Variants in ETS1 observed in about 807,000 individuals in gnomAD.
ETS1 encodes protein C-ets-1.
In ETS1, 15 loss-of-function variants were observed where a neutral mutation model predicts 58.6. That is an observed-to-expected ratio of 0.26 (90% CI 0.17 to 0.39). The LOEUF is 0.39. ETS1 is among the 10% of genes least tolerant of loss of function. The pLI, the probability that ETS1 is intolerant of heterozygous loss-of-function variation, is 1.00. For missense variants in ETS1, 417 were observed against 610.5 expected, an observed-to-expected ratio of 0.68 and a Z score of 3.34; for synonymous variants, 214 against 218.2, an observed-to-expected ratio of 0.98 and a Z score of 0.17.
At position 128,490,399 on chromosome 11, in the gene ETS1, A is replaced by G. The variant is rs1285435626; in HGVS notation, c.334+58T>C. 2.3e-5 allele frequency: 36 copies of G among 1,595,190 alleles called. No individual in the cohort carries two copies. The South Asian group carries it at 3.2e-4, about 14-fold the overall frequency. ...TGCCTCACACACTCCAGGTGAGAAA[A>G]TGTGTCTTCCCAAAGGGTCTGACCC... On this transcript the variant is annotated intron_variant, in intron 4 of 9. Transcript: ENST00000392668.
chr11:128,514,176 G>C (rs559380126), intron 3 of ETS1, among the ~76,000 whole-genome samples: 1 of 152,092 alleles, frequency 6.6e-6, no homozygotes, highest in South Asian at 2.1e-4. Flanking sequence ...CATCTTCTCT[G>C]AGGTTTAACG....
intron 1 of ETS1, among the ~76,000 whole-genome samples, chr11:128,584,970 GAAA>G (rs1864947767): frequency 4.1e-5 from 1 of 24,104 alleles, no homozygotes; most frequent in South Asian, 8.2e-4. Context: ...AAGAAAGAAA[GAAA>G]GAAAGAAAGA....
At chr11:128,524,067 G>C (rs1322951829) in intron 3 of ETS1, among the ~76,000 whole-genome samples, 11 of 152,308 alleles carry the variant, frequency 7.2e-5, no homozygotes, top group Non-Finnish European at 1.3e-4. Context: ...CCAAGTGTGA[G>C]TACTTCTCTA....
chr11:128,542,587 C>T (rs969403190), intron 3 of ETS1, among the ~76,000 whole-genome samples: 4 of 151,850 alleles, frequency 2.6e-5, no homozygotes, highest in African/African-American at 4.8e-5. Context: ...CAAAACAAAA[C>T]GGGAGAGGGA....
At position 128,549,236 on chromosome 11, in the gene ETS1, G is replaced by A. The variant is rs1292148073; in HGVS notation, c.214+7055C>T. Reference sequence around the variant, plus strand: ...ACAGGCTGTCCCTGCGGCGCAGCCCGCCCCCACCCTCCACTCTCACGCGCC... The same window carrying A: ...ACAGGCTGTCCCTGCGGCGCAGCCCACCCCCACCCTCCACTCTCACGCGCC... On this transcript the variant is annotated intron_variant, in intron 3 of 9. Transcript: ENST00000392668. This position sits in a 1 kb window ranked among gnomAD's most constrained non-coding sequence, Gnocchi z 4.3. Among the ~76,000 whole-genome samples, 1 of 151,294 alleles carries A rather than the reference G, an allele frequency of 6.6e-6. No individual in the cohort carries two copies. Among genetic ancestry groups the A allele is most frequent in the East Asian group, 1.9e-4 (1 of 5,140 alleles).
intron 3 of ETS1, among the ~76,000 whole-genome samples, chr11:128,521,460 G>C (rs76715588): frequency 1.3e-5 from 2 of 152,260 alleles, no homozygotes; most frequent in East Asian, 3.9e-4. Flanking sequence ...TTGAAAATCT[G>C]CCTGAAGGCC....
intron 3 of ETS1, among the ~76,000 whole-genome samples, chr11:128,500,615 C>A (rs950557033): frequency 1.3e-5 from 2 of 152,070 alleles, no homozygotes; most frequent in African/African-American, 4.8e-5. Flanking sequence ...TAAATCTGGA[C>A]TGAGAAGGAA....
chr11:128,554,555 G>GA (rs1864283689), intron 3 of ETS1, among the ~76,000 whole-genome samples: 1 of 152,090 alleles, frequency 6.6e-6, no homozygotes, highest in Non-Finnish European at 1.5e-5. Flanking sequence ...AGAGCAGCAT[G>GA]AAAAATCATC....
At chr11:128,560,690 C>A (rs1864391505) in intron 2 of ETS1, among the ~76,000 whole-genome samples, 1 of 152,332 alleles carries the variant, frequency 6.6e-6, no homozygotes, top group Non-Finnish European at 1.5e-5. Context: ...TGGCAATGTG[C>A]ATTCATGGAC....
intron 2 of ETS1, among the ~76,000 whole-genome samples, chr11:128,559,799 T>A (rs949384656): frequency 2.6e-5 from 4 of 152,150 alleles, no homozygotes; most frequent in Non-Finnish European, 5.9e-5. Flanking sequence ...ACTGCCTCAG[T>A]TGAGGAGAAA....
intron 3 of ETS1, chr11:128,522,428 TG>T: frequency 1.2e-6 from 1 of 854,832 alleles, no homozygotes; most frequent in Non-Finnish European, 1.4e-6. Flanking sequence ...GATGTCCGCT[TG>T]GGGGAGCGAG....
At chr11:128,498,711 C>T (rs1277512602) in intron 3 of ETS1, among the ~76,000 whole-genome samples, 3 of 152,156 alleles carry the variant, frequency 2.0e-5, no homozygotes, top group African/African-American at 4.8e-5. Context: ...TCTAAATTAA[C>T]GACACTCAAG....
At chr11:128,528,292 T>C (rs1431579659) in intron 3 of ETS1, among the ~76,000 whole-genome samples, 2 of 152,094 alleles carry the variant, frequency 1.3e-5, no homozygotes, top group Non-Finnish European at 2.9e-5. Context: ...CTGGAAGAGA[T>C]GCAAAGGATC....
chr11:128,565,047 A>AATAAATAAATAAATAC (rs1864468258), intron 2 of ETS1, among the ~76,000 whole-genome samples: 1 of 150,572 alleles, frequency 6.6e-6, no homozygotes, highest in Non-Finnish European at 1.5e-5. Context: ...TAAATAAATA[A>AATAAATAAATAAATAC]ATAAATAAAT....
rs1861848750 is a variant in ETS1 at position 128,459,457 on chromosome 11, A to C, written c.*2904T>G. 1 of 152,806 alleles carries C rather than the reference A, an allele frequency of 6.5e-6. No individual in the cohort carries two copies. Among genetic ancestry groups the C allele is most frequent in the African/African-American group, 2.4e-5 (1 of 41,466 alleles). 9.5% of individuals were successfully genotyped at this position (152,806 alleles called of 1,614,324 possible). The stretch of plus-strand genomic sequence containing the variant: ...TCCAATCCCCACAGCCACAAAAATC[A>C]GGGCTCTATGTAGGGGAAGTCCCTC... On this transcript the variant is annotated 3_prime_UTR_variant, in exon 10 of 10. Transcript: ENST00000392668.
intron 8 of ETS1, among the ~76,000 whole-genome samples, chr11:128,476,322 T>C (rs893802353): frequency 2.6e-5 from 4 of 152,240 alleles, no homozygotes; most frequent in African/African-American, 4.8e-5. Context: ...CATATAGTGT[T>C]CATTAGTGAC....
At chr11:128,522,426 CT>C (rs1268061273) in intron 3 of ETS1, 2 of 871,268 alleles carry the variant, frequency 2.3e-6, no homozygotes, top group African/African-American at 1.8e-5. Context: ...GCGATGTCCG[CT>C]TGGGGGAGCG....
chr11:128,498,697 G>C (rs1863007602), intron 3 of ETS1, among the ~76,000 whole-genome samples: 1 of 152,048 alleles, frequency 6.6e-6, no homozygotes, highest in African/African-American at 2.4e-5. Flanking sequence ...GTCATTTATG[G>C]GCCTCTAAAT....
chr11:128,565,607 A>G (rs1864480326), intron 2 of ETS1, among the ~76,000 whole-genome samples: 1 of 152,232 alleles, frequency 6.6e-6, no homozygotes, highest in South Asian at 2.1e-4. Context: ...GATTGAACCT[A>G]GTAGCTTACA....
Sources: gnomAD v4.1 joint callset for allele counts (sites outside exome capture counted in the v4.1 genomes callset) on GRCh38, gnomAD v4.1.1 for gene constraint, Gnocchi (gnomAD v3.1) non-coding constraint, MANE v1.5 for transcripts, NCBI Gene and HGNC (gene_info 2026-07-23, HGNC 2026-07-21) for gene names.